The following UGT1A8 variants were observed in gnomAD, a reference collection of about 807,000 sequenced individuals.
UGT1A8 encodes the protein UDP-glucuronosyltransferase 1A8.
A neutral mutation model predicts 45.3 loss-of-function variants in UGT1A8; 39 were observed. That is an observed-to-expected ratio of 0.86 (90% CI 0.67 to 1.12). UGT1A8 has a LOEUF of 1.12. Ranked by LOEUF, UGT1A8 falls within the 50% of genes most tolerant of loss-of-function variation. The pLI, the probability that UGT1A8 is intolerant of heterozygous loss-of-function variation, is 0.00. For missense variants in UGT1A8, 719 were observed against 664.9 expected (o/e 1.08, Z -0.90); for synonymous variants, 275 against 249.2 (o/e 1.10, Z -0.97).
intron 1 of UGT1A8, among the ~76,000 whole-genome samples, chr2:233,646,111 G>A (rs944845932): frequency 1.3e-5 from 2 of 152,172 alleles, no homozygotes; most frequent in Non-Finnish European, 2.9e-5. Flanking sequence ...GCCAAGGCTC[G>A]GCACTTGCAC....
At chr2:233,637,855 A>G (rs1299214166) in intron 1 of UGT1A8, among the ~76,000 whole-genome samples, 6 of 152,208 alleles carry the variant, frequency 3.9e-5, no homozygotes, top group African/African-American at 1.2e-4. Context: ...TTCACTTGCC[A>G]ATAAATTATG....
At position 233,724,532 on chromosome 2, in the gene UGT1A8, G is replaced by A. The variant is rs1443471428; in HGVS notation, c.856-42502G>A. On this transcript the variant is annotated intron_variant, in intron 1 of 4. Transcript: ENST00000373450. ...CTCACCTCCCAGATGGGGTCTCGCCGGGCAGAGGCGCTCCTCACATCCCAG... is the reference window on the plus strand; with the variant it reads ...CTCACCTCCCAGATGGGGTCTCGCCAGGCAGAGGCGCTCCTCACATCCCAG... Among the ~76,000 whole-genome samples the A allele has an allele frequency of 4.9e-5, 6 of 123,286 alleles. No individual in the cohort carries two copies. In the East Asian group the frequency reaches 7.5e-4, roughly 15 times the overall value. 80.9% of individuals were successfully genotyped at this position (123,286 alleles called of 152,430 possible). A position where few individuals can be genotyped will look rare whatever the true frequency, so the allele number is the denominator to read the frequency against.
chr2:233,646,023 T>G (rs916763302), intron 1 of UGT1A8, among the ~76,000 whole-genome samples: 3 of 152,226 alleles, frequency 2.0e-5, no homozygotes, highest in Non-Finnish European at 4.4e-5. Flanking sequence ...CCATACAGCC[T>G]CTGAAATCTA....
chr2:233,646,055 A>G (rs568828628), intron 1 of UGT1A8, among the ~76,000 whole-genome samples: 83 of 152,358 alleles, frequency 5.4e-4, no homozygotes, highest in African/African-American at 1.9e-3. Flanking sequence ...CCAAACCTCA[A>G]TTCTTGACTT....
Position 233,742,959 on chromosome 2 carries a change from T to C in UGT1A8, c.856-24075T>C, listed in dbSNP as rs191993803. ...TCCTACCACTAGCAAATAATCATTG[T>C]CTGCCTCAGGCTTAAGTTTAATAAA... is the stretch of plus-strand genomic sequence containing the variant. On this transcript the variant is annotated intron_variant, in intron 1 of 4. Coordinates refer to ENST00000373450, the MANE Select transcript of UGT1A8 (RefSeq NM_019076.5). 2.6e-4 allele frequency: 57 copies of C among 217,402 alleles called. No individual in the cohort carries two copies. In the East Asian group the frequency reaches 5.8e-3, roughly 22 times the overall value. The allele number at this position is 217,402 out of a possible 1,614,324, so 13.5% of individuals were successfully genotyped here.
intron 1 of UGT1A8, among the ~76,000 whole-genome samples, chr2:233,647,762 A>G (rs969969801): frequency 9.9e-5 from 15 of 152,182 alleles, no homozygotes; most frequent in African/African-American, 3.6e-4. Flanking sequence ...GGTAATTTAT[A>G]TCTTCTGTCT....
chr2:233,683,998 A>G (rs1450435310), intron 1 of UGT1A8, among the ~76,000 whole-genome samples: 1 of 152,222 alleles, frequency 6.6e-6, no homozygotes, highest in Non-Finnish European at 1.5e-5. Context: ...CGTGACAAAT[A>G]CAAGAGTAAG....
At chr2:233,763,882 A>G (rs1279865944) in intron 1 of UGT1A8, among the ~76,000 whole-genome samples, 1 of 152,208 alleles carries the variant, frequency 6.6e-6, no homozygotes, top group Non-Finnish European at 1.5e-5. Flanking sequence ...GGTCTGAGAA[A>G]AATAACTAAA....
chr2:233,760,446 G>A lies in UGT1A8; in HGVS notation c.856-6588G>A, dbSNP rs149071335. 6.1e-5 allele frequency: 98 copies of A among 1,614,210 alleles called. No homozygotes were observed. The African/African-American group carries it at 1.2e-3, about 20-fold the overall frequency. On this transcript the variant is annotated intron_variant, in intron 1 of 4. Coordinates refer to ENST00000373450, the MANE Select transcript of UGT1A8 (RefSeq NM_019076.5). ...GGGCCATCCAGCAGCTGCAGCAGAGGGGACATGAAATAGTTGTCCTAGCAC... is the reference window on the plus strand; with the variant it reads ...GGGCCATCCAGCAGCTGCAGCAGAGAGGACATGAAATAGTTGTCCTAGCAC...
chr2:233,680,498 G>A lies in UGT1A8; in HGVS notation c.855+61936G>A, dbSNP rs565945419. 4.6e-5 allele frequency among the ~76,000 whole-genome samples: 7 copies of A among 152,264 alleles called. No homozygotes were observed. The East Asian group carries it at 1.4e-3, about 29-fold the overall frequency. On this transcript the variant is annotated intron_variant, in intron 1 of 4. Transcript: ENST00000373450. ...GGTGTCCTGGAAGGAACCATCTTGT[G>A]CTTCTACAAGAATTATGCCCTGAGG...
intron 1 of UGT1A8, among the ~76,000 whole-genome samples, chr2:233,707,634 C>T (rs2075978747): frequency 6.6e-6 from 1 of 151,620 alleles, no homozygotes; most frequent in South Asian, 2.1e-4. Flanking sequence ...GAATATATCC[C>T]ATTGTATGAA....
intron 1 of UGT1A8, chr2:233,755,349 T>G (rs1322170401): frequency 5.0e-6 from 2 of 396,484 alleles, no homozygotes; most frequent in Admixed American, 3.8e-5. Flanking sequence ...GTCAGAGGCT[T>G]GGCGACCTGG....
intron 1 of UGT1A8, among the ~76,000 whole-genome samples, chr2:233,760,062 T>A (rs957059658): frequency 6.6e-5 from 10 of 152,144 alleles, no homozygotes; most frequent in African/African-American, 2.4e-4. Context: ...AGAATGTGAT[T>A]TGAGTATGAA....
intron 1 of UGT1A8, among the ~76,000 whole-genome samples, chr2:233,634,833 A>G (rs1376879185): frequency 1.3e-5 from 2 of 150,726 alleles, no homozygotes; most frequent in Non-Finnish European, 2.9e-5. Flanking sequence ...TGTGAACTTG[A>G]TCCTGTCATT....
At chr2:233,692,704 C>G (rs2075110773) in intron 1 of UGT1A8, 1 of 432,618 alleles carries the variant, frequency 2.3e-6, no homozygotes, top group Non-Finnish European at 3.1e-6. Context: ...CTCTCCAAGT[C>G]ATCTTCAAAG....
chr2:233,692,994 C>T (rs2075125575), intron 1 of UGT1A8: 1 of 1,613,956 alleles, frequency 6.2e-7, no homozygotes, highest in Non-Finnish European at 8.5e-7. Context: ...GTTACTTTAA[C>T]TCTTTCCAGG....
At chr2:233,713,173 T>C (rs28898602) in intron 1 of UGT1A8, 5 of 1,614,232 alleles carry the variant, frequency 3.1e-6, no homozygotes, top group Non-Finnish European at 4.2e-6. Context: ...GTGGTGGTCC[T>C]CACCCTGGAG....
At position 233,769,662 on chromosome 2, in the gene UGT1A8, G is replaced by A; in HGVS notation, c.1295+1223G>A. 1 of 1,599,484 alleles carries A rather than the reference G, an allele frequency of 6.3e-7. No individual in the cohort carries two copies. The highest frequency in any genetic ancestry group is 8.5e-7 in the Non-Finnish European group (1 of 1,173,496). On this transcript the variant is annotated intron_variant, in intron 4 of 4. Transcript: ENST00000373450. The surrounding 1 kb of genome is among the most constrained non-coding windows in gnomAD (Gnocchi z 4.4). ...GACTGATGACTGACTTCCCACCTTT[G>A]AGGTGCTAATGTGTGTGTGGTGGCA...
At chr2:233,645,466 G>A (rs1274896002) in intron 1 of UGT1A8, among the ~76,000 whole-genome samples, 1 of 152,200 alleles carries the variant, frequency 6.6e-6, no homozygotes, top group African/African-American at 2.4e-5. Flanking sequence ...TCTGAGACAA[G>A]GCAAGTCCCT....
Sources: allele counts gnomAD v4.1 joint callset (sites outside exome capture counted in the v4.1 genomes callset), GRCh38; gene constraint gnomAD v4.1.1; non-coding constraint Gnocchi (gnomAD v3.1); transcripts MANE v1.5; gene names NCBI Gene and HGNC (gene_info 2026-07-23, HGNC 2026-07-21).